Variants in GMPS observed in about 807,000 individuals in gnomAD.
The protein encoded by GMPS is GMP synthase [glutamine-hydrolyzing].
Under a neutral mutation model 77.9 loss-of-function variants are expected in GMPS, and 15 were observed. The observed-to-expected ratio is 0.19, with a 90% confidence interval of 0.13 to 0.30. GMPS has a LOEUF of 0.30. GMPS is among the 10% of genes least tolerant of loss of function. The pLI, the probability that GMPS is intolerant of heterozygous loss-of-function variation, is 1.00. For missense variants in GMPS, 590 were observed against 838.8 expected (o/e 0.70, Z 3.66); for synonymous variants, 224 against 275.9 (o/e 0.81, Z 1.86).
Position 155,943,508 on chromosome 3 carries a change from C to T in GMPS, c.*5816C>T, listed in dbSNP as rs987291216. 6 of 178,214 alleles carry T rather than the reference C, an allele frequency of 3.4e-5. No homozygotes were observed. Among genetic ancestry groups the T allele is most frequent in the African/African-American group, 9.5e-5 (4 of 42,240 alleles). The allele number at this position is 178,214 out of a possible 1,614,324, so 11.0% of individuals were successfully genotyped here. A position where few individuals can be genotyped will look rare whatever the true frequency, so the allele number is the denominator to read the frequency against. Reference sequence around the variant, plus strand: ...CATTGTTAACAACCTTGATATTAAACGAAGAAGTGAATGTAAACCTCCTTT... The same window carrying T: ...CATTGTTAACAACCTTGATATTAAATGAAGAAGTGAATGTAAACCTCCTTT... On this transcript the variant is annotated 3_prime_UTR_variant, in exon 16 of 16. Coordinates refer to ENST00000496455, the MANE Select transcript of GMPS (RefSeq NM_003875.3).
intron 5 of GMPS, among the ~76,000 whole-genome samples, chr3:155,907,763 T>A (rs1754929792): frequency 6.6e-6 from 1 of 152,230 alleles, no homozygotes; most frequent in Non-Finnish European, 1.5e-5. Context: ...TGTTGCAATT[T>A]TATAGGCTAT....
chr3:155,897,455 T>A (rs894391607), intron 2 of GMPS, among the ~76,000 whole-genome samples: 15 of 152,292 alleles, frequency 9.8e-5, no homozygotes, highest in African/African-American at 3.4e-4. Flanking sequence ...GGGTAATGTA[T>A]ACTTTCTATT....
At chr3:155,910,652 C>G in intron 5 of GMPS, 40 bp from the exon 6 acceptor site, 1 of 1,011,572 alleles carries the variant, frequency 9.9e-7, no homozygotes, top group Non-Finnish European at 1.4e-6. Context: ...GTCTTTTCAG[C>G]ATGAAAAAAT....
chr3:155,935,124 G>A (rs1477060296), intron 14 of GMPS, 78 bp downstream of exon 14: 4 of 949,950 alleles, frequency 4.2e-6, no homozygotes, highest in Non-Finnish European at 6.7e-6. Context: ...GGAGGATGTG[G>A]CTTTTGCTTT....
rs190398046 is a variant in GMPS, at chr3:155,879,345, G to T, written c.27+8448G>T. 2.6e-3 allele frequency among the ~76,000 whole-genome samples: 378 copies of T among 143,258 alleles called. 2 individuals carry two copies. The highest frequency in any genetic ancestry group is 9.4e-3 in the African/African-American group (362 of 38,450). 94.0% of individuals were successfully genotyped at this position (143,258 alleles called of 152,430 possible). ...TGCAGTGGTGCTATCTCAGCTCACT[G>T]CAACCTCCACCTCCCCAGTTCAAAC... is the stretch of plus-strand genomic sequence containing the variant. On this transcript the variant is annotated intron_variant, in intron 1 of 15. Transcript: ENST00000496455.
chr3:155,912,466 A>C (rs1434273944), intron 7 of GMPS, among the ~76,000 whole-genome samples: 3 of 152,146 alleles, frequency 2.0e-5, no homozygotes, highest in Non-Finnish European at 4.4e-5. Flanking sequence ...GATAATTTGT[A>C]GTTGTTTATT....
At chr3:155,885,128 T>C (rs1403343038) in intron 1 of GMPS, among the ~76,000 whole-genome samples, 2 of 152,258 alleles carry the variant, frequency 1.3e-5, no homozygotes, top group Admixed American at 1.3e-4. Flanking sequence ...ACCTACTAGC[T>C]TGAAATCTCA....
intron 1 of GMPS, among the ~76,000 whole-genome samples, chr3:155,873,795 T>C (rs1753963011): frequency 1.3e-5 from 2 of 151,378 alleles, no homozygotes; most frequent in East Asian, 2.0e-4. Context: ...CCACCATGCC[T>C]AGCTAATTTT....
chr3:155,893,914 T>C (rs969295201), intron 2 of GMPS, among the ~76,000 whole-genome samples: 3 of 152,180 alleles, frequency 2.0e-5, no homozygotes, highest in Non-Finnish European at 4.4e-5. Context: ...AAAGAACTTA[T>C]CATTTGAGTA....
intron 12 of GMPS, 124 bp downstream of exon 12, chr3:155,925,490 C>T (rs531615224): frequency 2.6e-5 from 16 of 604,632 alleles, no homozygotes; most frequent in African/African-American, 9.4e-5. Context: ...TTGCAACCTC[C>T]GCCTCCTGGG....
chr3:155,874,043 C>G (rs1019385836), intron 1 of GMPS, among the ~76,000 whole-genome samples: 1 of 152,236 alleles, frequency 6.6e-6, no homozygotes, highest in Middle Eastern at 3.2e-3. Context: ...GCTTCCTACC[C>G]TTTCCCCCTG....
chr3:155,872,249 C>T (rs1221367845), intron 1 of GMPS, among the ~76,000 whole-genome samples: 1 of 152,162 alleles, frequency 6.6e-6, no homozygotes, highest in Non-Finnish European at 1.5e-5. Flanking sequence ...ATTTGTCGAA[C>T]AATGAGTAAA....
At chr3:155,911,984 CT>C (rs35651046) in intron 7 of GMPS, among the ~76,000 whole-genome samples, 1 of 151,008 alleles carries the variant, frequency 6.6e-6, no homozygotes, top group Non-Finnish European at 1.5e-5. Context: ...AGATTCTATA[CT>C]TTTTTTTTAA....
In GMPS at chr3:155,893,544, G is replaced by A. The variant is rs534954217; in HGVS notation, c.54G>A (p.Lys18=). 6.2e-7 allele frequency: 1 copy of A among 1,611,128 alleles called. No individual in the cohort carries two copies. Among genetic ancestry groups the A allele is most frequent in the Admixed American group, 1.7e-5 (1 of 59,592 alleles). Residue 18 remains lysine, a synonymous_variant, in exon 2 of 16, where the codon AAG becomes AAA. Transcript: ENST00000496455. ...SKLENAGGDL[K]DGHHHYEGAV... ...TGGAGAATGCTGGAGGAGACCTTAA[G>A]GATGGCCACCACCACTATGAAGGAG...
In GMPS at chr3:155,941,468, G is replaced by C. The variant is rs62287808; in HGVS notation, c.*3776G>C. 0.046 allele frequency: 9,414 copies of C among 203,238 alleles called. 403 individuals carry two copies. The highest frequency in any genetic ancestry group is 0.16 in the East Asian group (2,116 of 13,238). The allele number at this position is 203,238 out of a possible 1,614,324, so 12.6% of individuals were successfully genotyped here. A position where few individuals can be genotyped will look rare whatever the true frequency, so the allele number is the denominator to read the frequency against. ...CATCAGGGATAAATGGGCTTCAAAA[G>C]TGTTAATTGTCTCCTTACTTACAGT... On this transcript the variant is annotated 3_prime_UTR_variant, in exon 16 of 16. Transcript: ENST00000496455.
chr3:155,896,101 C>T (rs1033392976), intron 2 of GMPS, among the ~76,000 whole-genome samples: 3 of 151,928 alleles, frequency 2.0e-5, no homozygotes, highest in African/African-American at 7.3e-5. Context: ...GCTCCGCCTC[C>T]CAGGTTCACA....
chr3:155,893,265 AT>A (rs1156669999), intron 1 of GMPS, among the ~76,000 whole-genome samples: 10 of 152,356 alleles, frequency 6.6e-5, no homozygotes. Context: ...TAAGATATAT[AT>A]ACACATGATC....
chr3:155,942,921 A>C lies in GMPS; in HGVS notation c.*5229A>C, dbSNP rs773604737. 1.1e-4 allele frequency: 21 copies of C among 194,360 alleles called. No individual in the cohort carries two copies. The highest frequency in any genetic ancestry group is 1.6e-4 in the Non-Finnish European group (15 of 93,376). 12.0% of individuals were successfully genotyped at this position (194,360 alleles called of 1,614,324 possible). A position where few individuals can be genotyped will look rare whatever the true frequency, so the allele number is the denominator to read the frequency against. ...GAATTAGAATCATTTGAGCAGCACC[A>C]TCTTAATTGGCTCATTAACATATTT... On this transcript the variant is annotated 3_prime_UTR_variant, in exon 16 of 16. Transcript: ENST00000496455.
At chr3:155,870,519 C>A, upstream of GMPS, 1 of 234,380 alleles carries the variant, frequency 4.3e-6, no homozygotes, top group South Asian at 1.7e-4. Context: ...GGCCGGGCGC[C>A]GCGAGCCCCT....
Sources: allele counts gnomAD v4.1 joint callset (sites outside exome capture counted in the v4.1 genomes callset), GRCh38; gene constraint gnomAD v4.1.1; transcripts MANE v1.5; gene names NCBI Gene and HGNC (gene_info 2026-07-23, HGNC 2026-07-21).